The following PDE1A variants were observed in gnomAD, a reference collection of about 807,000 sequenced individuals.
PDE1A encodes dual specificity calcium/calmodulin-dependent 3',5'-cyclic nucleotide phosphodiesterase 1A.
PDE1A carries 35 observed loss-of-function variants against 61.7 expected under a neutral mutation model. The observed-to-expected ratio is 0.57, with a 90% CI of 0.43 to 0.75. The LOEUF (loss-of-function observed/expected upper bound fraction) is 0.75. Ranked by LOEUF, PDE1A falls within the 30% of genes least tolerant of loss-of-function variation. The pLI is 0.00. For synonymous variants in PDE1A, 232 were observed against 213.2 expected (o/e 1.09, Z -0.77); for missense variants, 597 against 630.6 (o/e 0.95, Z 0.57).
At chr2:182,484,612 C>T (rs545876105) in intron 2 of PDE1A, among the ~76,000 whole-genome samples, 1 of 152,054 alleles carries the variant, frequency 6.6e-6, no homozygotes, top group South Asian at 2.1e-4. Flanking sequence ...GCAAACTATG[C>T]ATCTGACAAA....
At chr2:182,434,286 T>C (rs1318687328) in intron 2 of PDE1A, among the ~76,000 whole-genome samples, 1 of 152,080 alleles carries the variant, frequency 6.6e-6, no homozygotes, top group African/African-American at 2.4e-5. Flanking sequence ...GTGTTTCATA[T>C]TTGCCATTAC....
intron 1 of PDE1A, among the ~76,000 whole-genome samples, chr2:182,311,225 T>G (rs887871540): frequency 3.3e-5 from 5 of 152,220 alleles, no homozygotes; most frequent in Non-Finnish European, 7.3e-5. Flanking sequence ...AGATAGAAAC[T>G]CTCTAACCAA....
intron 8 of PDE1A, among the ~76,000 whole-genome samples, chr2:182,202,878 A>G (rs965033697): frequency 6.6e-6 from 1 of 152,238 alleles, no homozygotes; most frequent in Non-Finnish European, 1.5e-5. Context: ...AGTCACTTGT[A>G]CTGGAAAACA....
At chr2:182,413,409 A>T (rs1702733636) in intron 1 of PDE1A, among the ~76,000 whole-genome samples, 1 of 152,186 alleles carries the variant, frequency 6.6e-6, no homozygotes, top group Non-Finnish European at 1.5e-5. Context: ...AGAAGCACAA[A>T]GAAAAGAGTA....
intron 2 of PDE1A, among the ~76,000 whole-genome samples, chr2:182,440,999 T>C (rs1324306185): frequency 3.3e-5 from 5 of 152,096 alleles, no homozygotes; most frequent in Admixed American, 2.6e-4. Context: ...TACCTTAGAC[T>C]GGGTAATTTA....
the PDE1A span, among the ~76,000 whole-genome samples, chr2:182,575,957 ATAT>A: frequency 1.1e-4 from 16 of 147,352 alleles, no homozygotes; most frequent in African/African-American, 1.7e-4. Flanking sequence ...ATTATAATAT[ATAT>A]TATTAATACT....
chr2:182,384,649 C>G (rs1700926500), intron 1 of PDE1A, among the ~76,000 whole-genome samples: 1 of 151,702 alleles, frequency 6.6e-6, no homozygotes, highest in Non-Finnish European at 1.5e-5. Context: ...AAAAAGAAAT[C>G]AGGTTAGCTT....
intron 13 of PDE1A, among the ~76,000 whole-genome samples, chr2:182,171,894 T>C (rs1377969206): frequency 6.6e-6 from 1 of 151,878 alleles, no homozygotes; most frequent in Admixed American, 6.6e-5. Context: ...TTCCCCATTA[T>C]TACCTCTACT....
chr2:182,305,263 T>C (rs530098950), intron 1 of PDE1A, among the ~76,000 whole-genome samples: 1 of 152,214 alleles, frequency 6.6e-6, no homozygotes, highest in Admixed American at 6.5e-5. Flanking sequence ...GCAACTAATC[T>C]CCAGGTACCT....
chr2:182,438,024 T>C (rs1454896831), intron 2 of PDE1A, among the ~76,000 whole-genome samples: 1 of 151,858 alleles, frequency 6.6e-6, no homozygotes, highest in Admixed American at 6.6e-5. Flanking sequence ...TTATTTGTTA[T>C]AAATAGAATC....
the PDE1A span, among the ~76,000 whole-genome samples, chr2:182,579,965 G>A: frequency 2.0e-5 from 3 of 152,180 alleles, no homozygotes; most frequent in African/African-American, 7.2e-5. Context: ...CATGAGCAAT[G>A]TGACTTCATT....
the PDE1A span, among the ~76,000 whole-genome samples, chr2:182,648,131 G>A: frequency 2.0e-5 from 3 of 152,234 alleles, no homozygotes; most frequent in South Asian, 4.2e-4. Context: ...GAAGAAACCT[G>A]GTAACCTGGC....
chr2:182,349,758 C>CAAAACA (rs1402098777), intron 1 of PDE1A, among the ~76,000 whole-genome samples: 7 of 151,964 alleles, frequency 4.6e-5, no homozygotes, highest in Non-Finnish European at 1.0e-4. Context: ...GACTCCATCT[C>CAAAACA]AAAACAAAAA....
At chr2:182,537,891 G>A in the PDE1A span, among the ~76,000 whole-genome samples, 2 of 151,950 alleles carry the variant, frequency 1.3e-5, no homozygotes, top group Non-Finnish European at 2.9e-5. Context: ...TTTTGTTCTA[G>A]GTGTAATGGG....
chr2:182,470,324 C>G (rs1430742191), intron 2 of PDE1A, among the ~76,000 whole-genome samples: 1 of 151,770 alleles, frequency 6.6e-6, no homozygotes, highest in Non-Finnish European at 1.5e-5. Flanking sequence ...TGATTAAGTG[C>G]AGCTATGAAA....
At chr2:182,362,933 G>C (rs1424600678) in intron 1 of PDE1A, among the ~76,000 whole-genome samples, 1 of 152,044 alleles carries the variant, frequency 6.6e-6, no homozygotes, top group Non-Finnish European at 1.5e-5. Context: ...GATGGGCCTG[G>C]AGACCATTAT....
chr2:182,311,848 C>G (rs1345499008), intron 1 of PDE1A, among the ~76,000 whole-genome samples: 1 of 152,050 alleles, frequency 6.6e-6, no homozygotes, highest in East Asian at 1.9e-4. Flanking sequence ...TAAGAAGCTT[C>G]CAAACTTTTT....
At chr2:182,221,291 C>T (rs1688705859) in intron 7 of PDE1A, among the ~76,000 whole-genome samples, 1 of 152,056 alleles carries the variant, frequency 6.6e-6, no homozygotes, top group African/African-American at 2.4e-5. Context: ...AACTGGCATT[C>T]ACTGATAACA....
chr2:182,311,727 C>G (rs1695987139), intron 1 of PDE1A, among the ~76,000 whole-genome samples: 1 of 152,106 alleles, frequency 6.6e-6, no homozygotes, highest in African/African-American at 2.4e-5. Context: ...CATTCCCCAG[C>G]TGATGGACAT....
Sources: allele counts gnomAD v4.1 joint callset (sites outside exome capture counted in the v4.1 genomes callset), GRCh38; gene constraint gnomAD v4.1.1; transcripts MANE v1.5; gene names NCBI Gene and HGNC (gene_info 2026-07-23, HGNC 2026-07-21).